BTBD1: variants seen among roughly 807,000 people sequenced by gnomAD.
The protein encoded by BTBD1 is BTB/POZ domain-containing protein 1.
A neutral mutation model predicts 48.0 loss-of-function variants in BTBD1; 34 were observed. That is an observed-to-expected ratio of 0.71 (90% confidence interval 0.54 to 0.94). The LOEUF (loss-of-function observed/expected upper bound fraction) is 0.94, where lower values mean the gene tolerates loss of function less well. Ranked by LOEUF, BTBD1 falls within the 40% of genes least tolerant of loss-of-function variation. The pLI is 0.00. For synonymous variants in BTBD1, 261 were observed against 242.1 expected, an observed-to-expected ratio of 1.08 and a Z score of -0.72; for missense variants, 543 against 625.6, an observed-to-expected ratio of 0.87 and a Z score of 1.41.
chr15:83,033,367 G>A (rs1035896937), intron 4 of BTBD1, among the ~76,000 whole-genome samples: 2 of 151,958 alleles, frequency 1.3e-5, no homozygotes, highest in African/African-American at 4.8e-5. Context: ...CACACATCTG[G>A]TCATACAGAA....
intron 2 of BTBD1, 70 bp from the exon 3 acceptor site, chr15:83,050,248 T>C: frequency 1.1e-6 from 1 of 897,494 alleles, no homozygotes; most frequent in Non-Finnish European, 1.7e-6. Context: ...ATATTTGAAA[T>C]TAATATTGTC....
chr15:83,044,455 C>T, intron 3 of BTBD1: 4 of 1,575,628 alleles, frequency 2.5e-6, no homozygotes, highest in Non-Finnish European at 3.5e-6. Context: ...GGAGTGGGAA[C>T]TGCTTTGCGA....
At chr15:83,020,191 A>AGCCT in intron 6 of BTBD1, 1 of 152,858 alleles carries the variant, frequency 6.5e-6, no homozygotes, top group Non-Finnish European at 1.5e-5. Flanking sequence ...GGATTGCTTG[A>AGCCT]GCCTGGGTGA....
At chr15:83,065,039 C>A (rs184111362) in intron 1 of BTBD1, among the ~76,000 whole-genome samples, 29 of 152,260 alleles carry the variant, frequency 1.9e-4, no homozygotes, top group Admixed American at 1.9e-3. Context: ...CACGTTGTAA[C>A]CATGGTGCAG....
chr15:83,028,754 A>G (rs2032458171), intron 5 of BTBD1: 1 of 152,130 alleles, frequency 6.6e-6, no homozygotes, highest in Non-Finnish European at 1.5e-5. Context: ...TTCCATCAAC[A>G]TGTTCAATTT....
At chr15:83,063,880 C>G (rs1596446201) in intron 1 of BTBD1, among the ~76,000 whole-genome samples, 1 of 152,184 alleles carries the variant, frequency 6.6e-6, no homozygotes, top group Non-Finnish European at 1.5e-5. Context: ...TATTTTTCTT[C>G]AAAACATTCA....
chr15:83,067,025 C>A lies in BTBD1; in HGVS notation c.127G>T (p.Glu43Ter). ...GTCGCCTGCCAGTTGTAGAGAGGTT[C>A]CCGCTGCAGGGGGAGCAGGGGCCCC... ...SLGPLLPLQR[E>*]PLYNWQATKA... The change falls in exon 1 of 8, where the codon GAA (glutamate) becomes TAA (stop). Residue 43 changes from glutamate to a stop codon, truncating the protein, a stop_gained. Transcript: ENST00000261721. LOFTEE classifies it high-confidence loss of function. 1 of 1,583,000 alleles carries A rather than the reference C, an allele frequency of 6.3e-7. No homozygotes were observed. The highest frequency in any genetic ancestry group is 8.6e-7 in the Non-Finnish European group (1 of 1,166,980).
chr15:83,066,625 C>A, intron 1 of BTBD1, 126 bp downstream of exon 1: 1 of 1,054,350 alleles, frequency 9.5e-7, no homozygotes, highest in Non-Finnish European at 1.2e-6. Flanking sequence ...AAACTGAGGC[C>A]CCGGGCGGGT....
At position 83,030,169 on chromosome 15, in the gene BTBD1, C is replaced by T. The variant is rs779159787; in HGVS notation, c.1022G>A (p.Arg341His). ...ATCACTCGTCCCACTGTAACCCCAG[C>T]GGCTTTCTACTTGCTGGAATCTATT... Reference protein sequence around the residue: ...CINRFQQVESRWGYSGTSDRI... With the variant: ...CINRFQQVESHWGYSGTSDRI... The change falls in exon 5 of 8, where the codon CGC (arginine) becomes CAC (histidine). Residue 341 changes from arginine to histidine, a missense_variant. Physicochemically the swap from Arg to His is conservative, Grantham distance 29. Coordinates refer to ENST00000261721, the MANE Select transcript of BTBD1 (RefSeq NM_025238.4). The T allele has an allele frequency of 9.9e-6, 16 of 1,613,922 alleles. No individual in the cohort carries two copies. Among genetic ancestry groups the T allele is most frequent in the South Asian group, 3.3e-5 (3 of 91,078 alleles).
chr15:83,039,749 G>A (rs1363059868), intron 4 of BTBD1, among the ~76,000 whole-genome samples: 1 of 146,234 alleles, frequency 6.8e-6, no homozygotes, highest in Non-Finnish European at 1.5e-5. Context: ...CTGTACTCCA[G>A]CCTGGGTGAC....
intron 5 of BTBD1, among the ~76,000 whole-genome samples, chr15:83,025,550 T>C (rs957615021): frequency 2.0e-5 from 3 of 151,952 alleles, no homozygotes; most frequent in Non-Finnish European, 4.4e-5. Flanking sequence ...TCTTACTGGG[T>C]TTAATCCTAC....
intron 1 of BTBD1, among the ~76,000 whole-genome samples, chr15:83,057,937 C>A (rs964913368): frequency 1.3e-5 from 2 of 152,216 alleles, no homozygotes; most frequent in Admixed American, 6.5e-5. Context: ...GGGAAGCCAG[C>A]CCTAGGGCAG....
In BTBD1 at chr15:83,030,124, T is replaced by C; in HGVS notation, c.1055+12A>G. The C allele has an allele frequency of 1.2e-6, 2 of 1,612,374 alleles. No homozygotes were observed. Among genetic ancestry groups the C allele is most frequent in the Non-Finnish European group, 8.5e-7 (1 of 1,178,588 alleles). ...CCCCACTCTACCCCCGCATCCCCAATATAACAGATACCTGATTCGATCACT... is the reference window on the plus strand; with the variant it reads ...CCCCACTCTACCCCCGCATCCCCAACATAACAGATACCTGATTCGATCACT... On this transcript the variant is annotated intron_variant, in intron 5 of 7. Transcript: ENST00000261721.
chr15:83,027,783 TA>T (rs757410625), intron 5 of BTBD1, among the ~76,000 whole-genome samples: 1 of 152,188 alleles, frequency 6.6e-6, no homozygotes, highest in Non-Finnish European at 1.5e-5. Context: ...AAAGAAAACG[TA>T]AGTGGCAGCA....
chr15:83,027,306 C>T (rs574338577), intron 5 of BTBD1, among the ~76,000 whole-genome samples: 7 of 152,320 alleles, frequency 4.6e-5, no homozygotes, highest in Admixed American at 3.3e-4. Flanking sequence ...GAGCCGGGAT[C>T]GCACCACTGC....
chr15:83,054,966 C>T (rs2033057640), intron 2 of BTBD1, among the ~76,000 whole-genome samples: 1 of 152,106 alleles, frequency 6.6e-6, no homozygotes, highest in African/African-American at 2.4e-5. Flanking sequence ...CAGTTAATTA[C>T]CCCAGGTTTT....
chr15:83,044,478 A>G (rs2032836122), intron 3 of BTBD1: 1 of 1,577,552 alleles, frequency 6.3e-7, no homozygotes, highest in South Asian at 1.1e-5. Flanking sequence ...AATGGACGCA[A>G]TGGCCAAGCC....
chr15:83,020,460 T>G, intron 6 of BTBD1: 1 of 455,454 alleles, frequency 2.2e-6, no homozygotes, highest in Non-Finnish European at 3.8e-6. Flanking sequence ...GAAGAGCTCC[T>G]TATATGCTAC....
chr15:83,041,720 A>G lies in BTBD1; in HGVS notation c.862+8T>C, dbSNP rs749245684. On this transcript the variant is annotated splice_region_variant and intron_variant, in intron 4 of 7. Transcript: ENST00000261721. ...TTCAAATAGATTTTGGTGAATTTATACCCTTACCTGCTGCAAATTCCTCAA... is the reference window on the plus strand; with the variant it reads ...TTCAAATAGATTTTGGTGAATTTATGCCCTTACCTGCTGCAAATTCCTCAA... 38 of 1,612,994 alleles carry G rather than the reference A, an allele frequency of 2.4e-5. No homozygotes were observed. The highest frequency in any genetic ancestry group is 2.9e-5 in the Non-Finnish European group (34 of 1,179,160).
Sources: gnomAD v4.1 joint callset for allele counts (sites outside exome capture counted in the v4.1 genomes callset) on GRCh38, gnomAD v4.1.1 for gene constraint, MANE v1.5 for transcripts, NCBI Gene and HGNC (gene_info 2026-07-23, HGNC 2026-07-21) for gene names.